ROBO2: variants seen among roughly 807,000 people sequenced by gnomAD.
ROBO2 encodes the protein roundabout guidance receptor 2, also known as roundabout homolog 2.
In ROBO2, 53 loss-of-function variants were observed where a neutral mutation model predicts 160.8. That is an observed-to-expected ratio of 0.33 (90% CI 0.26 to 0.41). The LOEUF (loss-of-function observed/expected upper bound fraction) is 0.41. ROBO2 is among the 10% of genes least tolerant of loss of function. The pLI is 1.00. For missense variants in ROBO2, 1,577 were observed against 1,722.4 expected (o/e 0.92, Z 1.49); for synonymous variants, 664 against 611.7 (o/e 1.09, Z -1.26).
chr3:76,299,666 T>G (rs981923417), intron 2 of ROBO2, among the ~76,000 whole-genome samples: 1 of 152,096 alleles, frequency 6.6e-6, no homozygotes, highest in Non-Finnish European at 1.5e-5. Flanking sequence ...AAGGTTGAAG[T>G]GTGACTACCT....
chr3:77,229,448 C>G (rs62253282), intron 2 of ROBO2, among the ~76,000 whole-genome samples: 1 of 151,316 alleles, frequency 6.6e-6, no homozygotes, highest in African/African-American at 2.4e-5. Context: ...TTTGGGAGGC[C>G]GAGGCAGGTG....
At chr3:76,345,447 T>C (rs966124595) in intron 2 of ROBO2, among the ~76,000 whole-genome samples, 4 of 150,670 alleles carry the variant, frequency 2.7e-5, no homozygotes, top group Admixed American at 6.6e-5. Context: ...CTTTCTTTTT[T>C]TTTTTTTTTT....
chr3:76,527,197 A>G (rs2081992886), intron 2 of ROBO2, among the ~76,000 whole-genome samples: 1 of 152,152 alleles, frequency 6.6e-6, no homozygotes, highest in Admixed American at 6.6e-5. Context: ...TATTGCACGT[A>G]ATCCTCACAA....
chr3:77,266,246 C>G (rs1051019954), intron 2 of ROBO2, among the ~76,000 whole-genome samples: 12 of 151,536 alleles, frequency 7.9e-5, no homozygotes, highest in Non-Finnish European at 1.5e-4. Flanking sequence ...CTTTCAGAAT[C>G]CTTCTCTATT....
At chr3:76,101,166 C>G (rs1398788083) in intron 2 of ROBO2, among the ~76,000 whole-genome samples, 1 of 151,854 alleles carries the variant, frequency 6.6e-6, no homozygotes, top group Non-Finnish European at 1.5e-5. Context: ...TTTGGGCTAC[C>G]GTGGAGGAAA....
At chr3:77,415,518 C>G (rs1349373312) in intron 2 of ROBO2, among the ~76,000 whole-genome samples, 1 of 152,148 alleles carries the variant, frequency 6.6e-6, no homozygotes, top group Non-Finnish European at 1.5e-5. Context: ...TCCACTTCAC[C>G]AGCCAGAAAT....
At chr3:75,920,360 G>A (rs911566361) in intron 1 of ROBO2, among the ~76,000 whole-genome samples, 1 of 152,134 alleles carries the variant, frequency 6.6e-6, no homozygotes, top group African/African-American at 2.4e-5. Flanking sequence ...TCTTAATTCT[G>A]AGTTCTAATT....
intron 2 of ROBO2, among the ~76,000 whole-genome samples, chr3:76,975,430 A>G (rs1377549152): frequency 2.0e-5 from 3 of 152,038 alleles, no homozygotes; most frequent in South Asian, 2.1e-4. Context: ...GCTTGAACCC[A>G]GGAGGTGGAG....
At chr3:77,150,968 T>A (rs1399539582) in intron 2 of ROBO2, among the ~76,000 whole-genome samples, 1 of 152,164 alleles carries the variant, frequency 6.6e-6, no homozygotes, top group African/African-American at 2.4e-5. Context: ...AGTTACCAGT[T>A]AGAGCTACAA....
At chr3:76,185,771 T>C (rs1381527938) in intron 2 of ROBO2, among the ~76,000 whole-genome samples, 1 of 152,084 alleles carries the variant, frequency 6.6e-6, no homozygotes, top group Non-Finnish European at 1.5e-5. Context: ...AGTTCACTCC[T>C]GAACATTTTT....
intron 2 of ROBO2, among the ~76,000 whole-genome samples, chr3:76,404,216 C>T (rs1183307587): frequency 6.6e-6 from 1 of 151,534 alleles, no homozygotes; most frequent in Non-Finnish European, 1.5e-5. Context: ...AAAATAATGA[C>T]AACATAGAAT....
chr3:76,318,339 G>A (rs1398134490), intron 2 of ROBO2, among the ~76,000 whole-genome samples: 1 of 152,026 alleles, frequency 6.6e-6, no homozygotes, highest in Admixed American at 6.6e-5. Context: ...TTATGCCAGG[G>A]AAAAGTGTGG....
chr3:76,667,169 T>TAG (rs1212062044), intron 2 of ROBO2, among the ~76,000 whole-genome samples: 5 of 152,116 alleles, frequency 3.3e-5, no homozygotes, highest in Non-Finnish European at 1.5e-5. Context: ...TGAGGGCAGT[T>TAG]AGATTTTTAG....
intron 2 of ROBO2, among the ~76,000 whole-genome samples, chr3:76,576,305 G>A (rs910796093): frequency 2.0e-5 from 3 of 152,088 alleles, no homozygotes; most frequent in Non-Finnish European, 2.9e-5. Context: ...GCCATGGGCG[G>A]CAAAAGTGTC....
At chr3:76,992,870 T>A (rs2060770666) in intron 2 of ROBO2, among the ~76,000 whole-genome samples, 2 of 152,246 alleles carry the variant, frequency 1.3e-5, no homozygotes, top group South Asian at 4.1e-4. Flanking sequence ...CAGGCTGCAG[T>A]GCAGTGGCAA....
intron 2 of ROBO2, among the ~76,000 whole-genome samples, chr3:76,605,841 A>T (rs1452406090): frequency 6.6e-6 from 1 of 152,128 alleles, no homozygotes; most frequent in Non-Finnish European, 1.5e-5. Context: ...GAGAAAATAC[A>T]CTTTGGAAGA....
At chr3:77,590,217 A>G (rs1317808883) in intron 17 of ROBO2, among the ~76,000 whole-genome samples, 1 of 152,154 alleles carries the variant, frequency 6.6e-6, no homozygotes, top group Admixed American at 6.6e-5. Flanking sequence ...AAAGTACTAC[A>G]GCATATCCAT....
chr3:76,075,064 G>A (rs1198038732), intron 2 of ROBO2, among the ~76,000 whole-genome samples: 1 of 152,056 alleles, frequency 6.6e-6, no homozygotes, highest in African/African-American at 2.4e-5. Flanking sequence ...TGTGAGATAC[G>A]AGCTTGATCG....
intron 6 of ROBO2, among the ~76,000 whole-genome samples, chr3:77,538,170 CTT>C (rs59409802): frequency 2.0e-5 from 2 of 102,494 alleles, no homozygotes; most frequent in Non-Finnish European, 3.8e-5. Flanking sequence ...TGATCATTTA[CTT>C]TTTTTTTTTT....
Sources: gnomAD v4.1 joint callset for allele counts (sites outside exome capture counted in the v4.1 genomes callset) on GRCh38, gnomAD v4.1.1 for gene constraint, MANE v1.5 for transcripts, NCBI Gene and HGNC (gene_info 2026-07-23, HGNC 2026-07-21) for gene names.